Variants in NRXN3 observed in about 807,000 individuals in gnomAD.
NRXN3 encodes the protein neurexin III.
Under a neutral mutation model 137.6 loss-of-function variants are expected in NRXN3, and 32 were observed. The observed-to-expected ratio is 0.23, with a 90% CI of 0.18 to 0.31. NRXN3 has a LOEUF of 0.31. Among genes scored for constraint, NRXN3 ranks in the 10% least tolerant of loss-of-function variants. The pLI is 1.00. For synonymous variants in NRXN3, 798 were observed against 784.5 expected (o/e 1.02, Z -0.29); for missense variants, 1,574 against 2,062.5 (o/e 0.76, Z 4.59).
At chr14:79,473,657 A>T (rs1842905452) in intron 16 of NRXN3, among the ~76,000 whole-genome samples, 1 of 152,188 alleles carries the variant, frequency 6.6e-6, no homozygotes, top group East Asian at 1.9e-4. Context: ...AACGAACAAG[A>T]AAACAACAGA....
Position 79,645,631 on chromosome 14 carries a change from G to T in NRXN3, c.3445-18147G>T, listed in dbSNP as rs1316424812. 1.6e-4 allele frequency among the ~76,000 whole-genome samples: 20 copies of T among 126,794 alleles called. 2 individuals are homozygous for T. Among genetic ancestry groups the T allele is most frequent in the African/African-American group, 4.7e-4 (18 of 38,576 alleles). The allele number at this position is 126,794 out of a possible 152,430, so 83.2% of individuals were successfully genotyped here. On this transcript the variant is annotated intron_variant, in intron 16 of 20. Coordinates refer to ENST00000335750, the MANE Select transcript of NRXN3 (RefSeq NM_001330195.2). ...CTCTGTCTCAAAAAAAAAAAAAAAAGTTTTTTTCGTGTCGGTATTAATGCC... is the reference window on the plus strand; with the variant it reads ...CTCTGTCTCAAAAAAAAAAAAAAAATTTTTTTTCGTGTCGGTATTAATGCC...
At chr14:79,107,919 A>G (rs936553303) in intron 15 of NRXN3, among the ~76,000 whole-genome samples, 3 of 152,162 alleles carry the variant, frequency 2.0e-5, no homozygotes, top group Non-Finnish European at 4.4e-5. Context: ...ATTTTATTTT[A>G]GTCAGGACCA....
rs148162794 is a variant in NRXN3, at chr14:78,202,421, G to A, written c.-704+31747G>A. On this transcript the variant is annotated intron_variant, in intron 1 of 20. Coordinates refer to ENST00000335750, the MANE Select transcript of NRXN3 (RefSeq NM_001330195.2). ...GATGTCAAGAGTAAAATGGTGTGAC[G>A]TTTGTCAAGTGCTTGGACTTACTAT... Among the ~76,000 whole-genome samples the A allele has an allele frequency of 1.8e-4, 28 of 152,324 alleles. No individual in the cohort carries two copies. In the East Asian group the frequency reaches 3.7e-3, roughly 20 times the overall value.
intron 16 of NRXN3, among the ~76,000 whole-genome samples, chr14:79,639,423 A>T (rs750519584): frequency 1.3e-5 from 2 of 151,374 alleles, no homozygotes; most frequent in Non-Finnish European, 2.9e-5. Context: ...TGTGTTGATG[A>T]GTTCTCTAGA....
intron 3 of NRXN3, among the ~76,000 whole-genome samples, chr14:78,285,680 G>A (rs910831681): frequency 7.9e-5 from 12 of 152,224 alleles, no homozygotes; most frequent in African/African-American, 2.9e-4. Context: ...TGAATCAACA[G>A]TGCTTAGGAC....
At chr14:79,535,834 G>C (rs1252015542) in intron 16 of NRXN3, among the ~76,000 whole-genome samples, 1 of 152,116 alleles carries the variant, frequency 6.6e-6, no homozygotes, top group Non-Finnish European at 1.5e-5. Flanking sequence ...GCCTTCTAAG[G>C]CAGGTTTACT....
intron 19 of NRXN3, among the ~76,000 whole-genome samples, chr14:79,757,299 A>G (rs1167217861): frequency 6.6e-6 from 1 of 152,176 alleles, no homozygotes; most frequent in Non-Finnish European, 1.5e-5. Context: ...TTTGCTCTTG[A>G]TGGGTGCATT....
At chr14:78,858,526 G>T (rs751098135) in intron 10 of NRXN3, among the ~76,000 whole-genome samples, 3 of 152,098 alleles carry the variant, frequency 2.0e-5, no homozygotes, top group Non-Finnish European at 2.9e-5. Context: ...TTCTTCATTA[G>T]GACAGTTATA....
intron 19 of NRXN3, chr14:79,760,613 T>C (rs1442989244): frequency 6.6e-6 from 1 of 151,022 alleles, no homozygotes; most frequent in Non-Finnish European, 1.5e-5. Context: ...TGAAACAAAA[T>C]AGATTTGTTT....
intron 15 of NRXN3, among the ~76,000 whole-genome samples, chr14:79,003,503 C>G (rs1358129284): frequency 6.6e-6 from 1 of 152,132 alleles, no homozygotes; most frequent in Non-Finnish European, 1.5e-5. Flanking sequence ...GCTCTAAGGC[C>G]AGGCCAGCTT....
chr14:78,657,046 C>CAAAAAAAAA (rs1174872709), intron 6 of NRXN3, among the ~76,000 whole-genome samples: 47 of 31,064 alleles, frequency 1.5e-3, no homozygotes, highest in African/African-American at 5.0e-3. Flanking sequence ...GACTCCGTCT[C>CAAAAAAAAA]AAAAAAAAAA....
intron 15 of NRXN3, among the ~76,000 whole-genome samples, chr14:79,019,607 A>T (rs2202186): frequency 0.99 from 151,505 of 152,270 alleles, 75,391 homozygotes; most frequent in Middle Eastern, 1. Flanking sequence ...GAAGCAATGC[A>T]CTTGATAGGT....
chr14:78,429,175 C>T (rs2093776839), intron 4 of NRXN3, among the ~76,000 whole-genome samples: 1 of 151,920 alleles, frequency 6.6e-6, no homozygotes, highest in African/African-American at 2.4e-5. Context: ...CTCTTGGGTT[C>T]AAGCAATTCT....
chr14:79,639,035 C>G (rs2098419482), intron 16 of NRXN3, among the ~76,000 whole-genome samples: 1 of 152,106 alleles, frequency 6.6e-6, no homozygotes, highest in Admixed American at 6.5e-5. Context: ...GGTTCTATGT[C>G]ATGGGCCTCC....
intron 4 of NRXN3, among the ~76,000 whole-genome samples, chr14:78,391,608 G>A (rs2079173241): frequency 6.6e-6 from 1 of 152,072 alleles, no homozygotes; most frequent in African/African-American, 2.4e-5. Flanking sequence ...ACTCAGCAAG[G>A]TGCTATAAAG....
chr14:79,220,859 C>A (rs998517227), intron 15 of NRXN3, among the ~76,000 whole-genome samples: 1 of 152,012 alleles, frequency 6.6e-6, no homozygotes, highest in Admixed American at 6.6e-5. Context: ...CACCCATCAA[C>A]CCGTCACCTA....
intron 15 of NRXN3, among the ~76,000 whole-genome samples, chr14:79,440,106 A>G (rs553289982): frequency 2.5e-4 from 38 of 152,344 alleles, no homozygotes; most frequent in African/African-American, 8.9e-4. Flanking sequence ...CAACCTAGTG[A>G]AGGAGTAAGG....
At chr14:79,555,337 A>G (rs189200890) in intron 16 of NRXN3, among the ~76,000 whole-genome samples, 21 of 152,276 alleles carry the variant, frequency 1.4e-4, no homozygotes, top group Admixed American at 2.6e-4. Context: ...CAGGAATCCA[A>G]CTGGCTACTT....
chr14:78,486,763 A>G (rs2095566495), intron 4 of NRXN3, among the ~76,000 whole-genome samples: 1 of 152,136 alleles, frequency 6.6e-6, no homozygotes, highest in Admixed American at 6.6e-5. Flanking sequence ...GGTTTTGTCT[A>G]TTAGAGGGTG....
Sources: allele counts gnomAD v4.1 joint callset (sites outside exome capture counted in the v4.1 genomes callset), GRCh38; gene constraint gnomAD v4.1.1; transcripts MANE v1.5; gene names NCBI Gene and HGNC (gene_info 2026-07-23, HGNC 2026-07-21).